Variants in C8orf34 observed in about 807,000 individuals in gnomAD.
C8orf34 encodes chromosome 8 open reading frame 34.
C8orf34 carries 65 observed loss-of-function variants against 68.3 expected under a neutral mutation model. The ratio of observed to expected loss-of-function variants is 0.95; its 90% confidence interval spans 0.78 to 1.17. The LOEUF (loss-of-function observed/expected upper bound fraction) is 1.17. Ranked by LOEUF, C8orf34 falls within the 50% of genes most tolerant of loss-of-function variation. The pLI, the probability that C8orf34 is intolerant of heterozygous loss-of-function variation, is 0.00. For synonymous variants in C8orf34, 244 were observed against 241.2 expected (o/e 1.01, Z -0.11); for missense variants, 664 against 655.4 (o/e 1.01, Z -0.14).
rs556868902 is a variant in C8orf34, at chr8:68,614,124, T to G, written c.1106-26252T>G. 1.4e-3 allele frequency among the ~76,000 whole-genome samples: 208 copies of G among 152,318 alleles called. 1 individual carries two copies. The highest frequency in any genetic ancestry group is 3.5e-3 in the African/African-American group (144 of 41,568). ...GTCTGTTCATGTCCTTCGCCCACTT[T>G]TTGATGGGATTGTTTGTTTTTTTCT... On this transcript the variant is annotated intron_variant, in intron 7 of 13. Transcript: ENST00000518698.
intron 8 of C8orf34, among the ~76,000 whole-genome samples, chr8:68,705,823 G>T (rs781734977): frequency 1.3e-4 from 20 of 152,212 alleles, no homozygotes; most frequent in Middle Eastern, 3.4e-3. Context: ...TACTGGTTGG[G>T]GGGTGATAGT....
chr8:68,396,585 A>G (rs746505491), intron 1 of C8orf34, among the ~76,000 whole-genome samples: 2 of 151,540 alleles, frequency 1.3e-5, no homozygotes, highest in Middle Eastern at 3.2e-3. Context: ...TTGACCCCCA[A>G]TATTGGAGGT....
At chr8:68,596,577 T>C (rs1195911800) in intron 7 of C8orf34, among the ~76,000 whole-genome samples, 1 of 152,096 alleles carries the variant, frequency 6.6e-6, no homozygotes, top group Non-Finnish European at 1.5e-5. Context: ...AGCCAGAGTA[T>C]CAGCTTTTTC....
chr8:68,584,757 CTT>C (rs1817160404), intron 7 of C8orf34, among the ~76,000 whole-genome samples: 1 of 152,028 alleles, frequency 6.6e-6, no homozygotes. Flanking sequence ...TCTTTATTTT[CTT>C]TTTCTAAAAC....
At chr8:68,353,662 A>T (rs771906934) in intron 1 of C8orf34, among the ~76,000 whole-genome samples, 1 of 147,098 alleles carries the variant, frequency 6.8e-6, no homozygotes, top group African/African-American at 2.5e-5. Flanking sequence ...TATATAGTTG[A>T]TCCATATTCT....
intron 7 of C8orf34, among the ~76,000 whole-genome samples, chr8:68,616,440 T>A (rs2130601817): frequency 6.6e-6 from 1 of 152,338 alleles, no homozygotes; most frequent in South Asian, 2.1e-4. Flanking sequence ...GCTATAAATT[T>A]CCCTATACAC....
intron 1 of C8orf34, among the ~76,000 whole-genome samples, chr8:68,409,847 T>A (rs1809369057): frequency 6.6e-6 from 1 of 152,304 alleles, no homozygotes; most frequent in East Asian, 1.9e-4. Flanking sequence ...TTATATCATA[T>A]TTTTACTGTA....
chr8:68,577,327 A>G (rs776507832), intron 7 of C8orf34, among the ~76,000 whole-genome samples: 3 of 152,068 alleles, frequency 2.0e-5, no homozygotes, highest in East Asian at 3.9e-4. Context: ...TGATTTAGAC[A>G]TAGACTGTTA....
chr8:68,798,365 C>T (rs1399788898), intron 12 of C8orf34, among the ~76,000 whole-genome samples: 4 of 149,008 alleles, frequency 2.7e-5, no homozygotes, highest in Non-Finnish European at 5.9e-5. Context: ...GGCGTGATCA[C>T]AGCTCACTGC....
At chr8:68,541,992 G>A (rs571531038) in intron 7 of C8orf34, among the ~76,000 whole-genome samples, 2 of 152,268 alleles carry the variant, frequency 1.3e-5, no homozygotes, top group South Asian at 4.1e-4. Flanking sequence ...ATATGCATTT[G>A]TTTTTGTTAT....
chr8:68,706,426 G>A (rs1821167902), intron 8 of C8orf34, among the ~76,000 whole-genome samples: 1 of 151,464 alleles, frequency 6.6e-6, no homozygotes, highest in African/African-American at 2.4e-5. Flanking sequence ...GCTGAAGGAG[G>A]TGAATTTGTT....
chr8:68,577,841 G>C (rs1402296284), intron 7 of C8orf34, among the ~76,000 whole-genome samples: 1 of 151,174 alleles, frequency 6.6e-6, no homozygotes, highest in Non-Finnish European at 1.5e-5. Flanking sequence ...TTGTATTTCT[G>C]CTTAAAAAAA....
At chr8:68,650,685 T>G (rs1270555553) in intron 8 of C8orf34, among the ~76,000 whole-genome samples, 2 of 152,042 alleles carry the variant, frequency 1.3e-5, no homozygotes, top group Admixed American at 1.3e-4. Flanking sequence ...TTCACCGTTT[T>G]AGCCGGGATG....
chr8:68,536,130 C>G (rs1050797807), intron 7 of C8orf34, among the ~76,000 whole-genome samples: 2 of 151,412 alleles, frequency 1.3e-5, no homozygotes, highest in African/African-American at 4.9e-5. Context: ...CCTGTAATAC[C>G]AGCACTTTGG....
At chr8:68,565,685 A>T (rs186961726) in intron 7 of C8orf34, among the ~76,000 whole-genome samples, 13 of 152,288 alleles carry the variant, frequency 8.5e-5, no homozygotes. Flanking sequence ...AAAATTCATC[A>T]TAACGTTGCT....
chr8:68,382,558 A>G (rs1276201663), intron 1 of C8orf34, among the ~76,000 whole-genome samples: 1 of 152,158 alleles, frequency 6.6e-6, no homozygotes, highest in East Asian at 1.9e-4. Flanking sequence ...TTAGGTTCAG[A>G]AGCATTTCTA....
At chr8:68,602,868 G>GC (rs1395878324) in intron 7 of C8orf34, among the ~76,000 whole-genome samples, 2 of 151,992 alleles carry the variant, frequency 1.3e-5, no homozygotes, top group African/African-American at 2.4e-5. Flanking sequence ...GGCAGGTATT[G>GC]CCCCCCATGT....
chr8:68,614,483 G>A (rs927050899), intron 7 of C8orf34, among the ~76,000 whole-genome samples: 3 of 152,148 alleles, frequency 2.0e-5, no homozygotes, highest in African/African-American at 7.2e-5. Context: ...ATAAGGAAGG[G>A]ATCCAGTTTC....
At chr8:68,426,712 A>G (rs1056874077) in intron 1 of C8orf34, among the ~76,000 whole-genome samples, 1 of 151,956 alleles carries the variant, frequency 6.6e-6, no homozygotes, top group Non-Finnish European at 1.5e-5. Flanking sequence ...TACTAAAAAC[A>G]CAAAAAATTA....
Sources: gnomAD v4.1 joint callset for allele counts (sites outside exome capture counted in the v4.1 genomes callset) on GRCh38, gnomAD v4.1.1 for gene constraint, MANE v1.5 for transcripts, NCBI Gene and HGNC (gene_info 2026-07-23, HGNC 2026-07-21) for gene names.